ADGRL4: variants seen among roughly 807,000 people sequenced by gnomAD.
ADGRL4 encodes the protein adhesion G protein-coupled receptor L4.
Under a neutral mutation model 74.8 loss-of-function variants are expected in ADGRL4, and 90 were observed. The ratio of observed to expected loss-of-function variants is 1.20; its 90% confidence interval spans 1.02 to 1.43. The LOEUF is 1.43. Among genes scored for constraint, ADGRL4 ranks in the 40% most tolerant of loss-of-function variants. The probability of loss-of-function intolerance (pLI) is 0.00; values close to 1 mark genes in which losing one functional copy is unlikely to be tolerated. For synonymous variants in ADGRL4, 311 were observed against 279.2 expected, an observed-to-expected ratio of 1.11 and a Z score of -1.14; for missense variants, 881 against 814.3, an observed-to-expected ratio of 1.08 and a Z score of -1.00.
chr1:78,954,210 T>C (rs1649785059), intron 2 of ADGRL4, among the ~76,000 whole-genome samples: 1 of 152,060 alleles, frequency 6.6e-6, no homozygotes, highest in Non-Finnish European at 1.5e-5. Context: ...GGGTTCATAT[T>C]ACTTTAGTTA....
In ADGRL4 at chr1:78,918,064, A is replaced by C. The variant is rs75253446; in HGVS notation, c.1462-14T>G. On this transcript the variant is annotated splice_polypyrimidine_tract_variant and intron_variant, in intron 10 of 14. Transcript: ENST00000370742. ...TGAACAGAAGAGCTAGAAATCAAAGAAAAAAAAAAAAACATTGTCAGTGTT... is the reference window on the plus strand; with the variant it reads ...TGAACAGAAGAGCTAGAAATCAAAGCAAAAAAAAAAAACATTGTCAGTGTT... 3.3e-6 allele frequency: 3 copies of C among 919,766 alleles called. No homozygotes were observed. The highest frequency in any genetic ancestry group is 4.2e-5 in the East Asian group (1 of 23,940). 57.0% of individuals were successfully genotyped at this position (919,766 alleles called of 1,614,324 possible). A position where few individuals can be genotyped will look rare whatever the true frequency, so the allele number is the denominator to read the frequency against.
chr1:79,001,025 T>C (rs556452144), intron 2 of ADGRL4, among the ~76,000 whole-genome samples: 1 of 152,164 alleles, frequency 6.6e-6, no homozygotes, highest in Non-Finnish European at 1.5e-5. Flanking sequence ...TATATACTTG[T>C]AATTTTTGAA....
intron 8 of ADGRL4, among the ~76,000 whole-genome samples, chr1:78,924,842 T>C (rs2100675654): frequency 6.6e-6 from 1 of 152,132 alleles, no homozygotes; most frequent in South Asian, 2.1e-4. Flanking sequence ...GATGGATAGT[T>C]GAGGGAGTGT....
chr1:78,944,279 A>G (rs1203611476), intron 3 of ADGRL4, among the ~76,000 whole-genome samples: 1 of 152,220 alleles, frequency 6.6e-6, no homozygotes, highest in Non-Finnish European at 1.5e-5. Context: ...TACAGTGATT[A>G]AGATGTTACA....
intron 12 of ADGRL4, among the ~76,000 whole-genome samples, chr1:78,894,126 A>C (rs540321805): frequency 1.0e-3 from 158 of 152,044 alleles, no homozygotes; most frequent in Non-Finnish European, 2.0e-3. Flanking sequence ...AAAGTGCAAC[A>C]TTATAATTTT....
chr1:78,996,003 C>T (rs530392800), intron 2 of ADGRL4, among the ~76,000 whole-genome samples: 3 of 152,146 alleles, frequency 2.0e-5, no homozygotes, highest in Non-Finnish European at 2.9e-5. Flanking sequence ...ATAATTAAAA[C>T]GTGGAGGATA....
chr1:78,966,503 G>C (rs533536790), intron 2 of ADGRL4, among the ~76,000 whole-genome samples: 1 of 152,158 alleles, frequency 6.6e-6, no homozygotes, highest in Non-Finnish European at 1.5e-5. Flanking sequence ...TCTCACTGTT[G>C]CTTCTGAGCC....
In ADGRL4 at chr1:79,006,700, G is replaced by C. The variant is rs1233318955; in HGVS notation, c.-46C>G. 6.9e-7 allele frequency: 1 copy of C among 1,439,124 alleles called. No homozygotes were observed. Among genetic ancestry groups the C allele is most frequent in the Non-Finnish European group, 9.1e-7 (1 of 1,097,844 alleles). 89.1% of individuals were successfully genotyped at this position (1,439,124 alleles called of 1,614,324 possible). ...GCGGTGGCGGAGAGCGCGGCGGAGT[G>C]AGTGCGGCTGTGGACCCGGGACCGG... On this transcript the variant is annotated 5_prime_UTR_variant, in exon 1 of 15. Coordinates refer to ENST00000370742, the MANE Select transcript of ADGRL4 (RefSeq NM_022159.4).
At chr1:78,991,541 G>A (rs1650607569) in intron 2 of ADGRL4, among the ~76,000 whole-genome samples, 1 of 151,832 alleles carries the variant, frequency 6.6e-6, no homozygotes, top group Non-Finnish European at 1.5e-5. Context: ...CCAAAATTTA[G>A]TGAATAACTG....
intron 2 of ADGRL4, among the ~76,000 whole-genome samples, chr1:78,986,841 T>A (rs1650508433): frequency 2.0e-5 from 3 of 151,722 alleles, no homozygotes; most frequent in African/African-American, 7.2e-5. Context: ...AACCTCAAAA[T>A]GATCAAAAAT....
At chr1:78,927,588 A>G (rs1485739195) in intron 7 of ADGRL4, among the ~76,000 whole-genome samples, 4 of 152,124 alleles carry the variant, frequency 2.6e-5, no homozygotes, top group East Asian at 1.9e-4. Context: ...TTTAATATTG[A>G]TAACATGTAA....
chr1:78,921,848 G>T, intron 8 of ADGRL4, 62 bp from the exon 9 acceptor site: 2 of 978,760 alleles, frequency 2.0e-6, no homozygotes, highest in Non-Finnish European at 2.8e-6. Context: ...GTATTGTTTT[G>T]TCATATTTAA....
chr1:78,984,511 T>C (rs1650456565), intron 2 of ADGRL4, among the ~76,000 whole-genome samples: 2 of 151,766 alleles, frequency 1.3e-5, no homozygotes, highest in East Asian at 3.9e-4. Flanking sequence ...GCCTCAATCT[T>C]GACATGACAG....
At chr1:78,909,479 C>T (rs1019361232) in intron 12 of ADGRL4, among the ~76,000 whole-genome samples, 1 of 151,836 alleles carries the variant, frequency 6.6e-6, no homozygotes, top group Middle Eastern at 3.4e-3. Context: ...TGAGTAGAGA[C>T]CAGAGATGTT....
At chr1:78,908,873 A>T (rs1648697582) in intron 12 of ADGRL4, among the ~76,000 whole-genome samples, 2 of 151,988 alleles carry the variant, frequency 1.3e-5, no homozygotes, top group Non-Finnish European at 2.9e-5. Flanking sequence ...TGTCTTAAGG[A>T]CATTATCTTT....
chr1:79,003,124 A>C (rs1189401640), intron 2 of ADGRL4, among the ~76,000 whole-genome samples: 2 of 152,044 alleles, frequency 1.3e-5, no homozygotes, highest in Non-Finnish European at 2.9e-5. Context: ...AATCTTAGAG[A>C]AAGATAGGAA....
At chr1:78,975,098 T>C (rs1452208110) in intron 2 of ADGRL4, among the ~76,000 whole-genome samples, 1 of 152,096 alleles carries the variant, frequency 6.6e-6, no homozygotes, top group Non-Finnish European at 1.5e-5. Context: ...ATTACAATCA[T>C]AGAGAGAAAA....
At chr1:78,928,086 C>T (rs1410441581) in intron 7 of ADGRL4, among the ~76,000 whole-genome samples, 3 of 151,520 alleles carry the variant, frequency 2.0e-5, no homozygotes, top group African/African-American at 7.3e-5. Flanking sequence ...TCAACATGAC[C>T]AGGTCCAGTT....
chr1:78,897,449 A>T (rs1292016927), intron 12 of ADGRL4, among the ~76,000 whole-genome samples: 1 of 152,108 alleles, frequency 6.6e-6, no homozygotes, highest in Non-Finnish European at 1.5e-5. Context: ...TTTAGCAAGA[A>T]TTCCTCTTAC....
Sources: gnomAD v4.1 joint callset for allele counts (sites outside exome capture counted in the v4.1 genomes callset) on GRCh38, gnomAD v4.1.1 for gene constraint, MANE v1.5 for transcripts, NCBI Gene and HGNC (gene_info 2026-07-23, HGNC 2026-07-21) for gene names.